Variants in LRP1B observed in about 807,000 individuals in gnomAD.
LRP1B encodes the protein low-density lipoprotein receptor-related protein 1B.
Under a neutral mutation model 556.6 loss-of-function variants are expected in LRP1B, and 217 were observed. The ratio of observed to expected loss-of-function variants is 0.39; its 90% CI spans 0.35 to 0.44. LRP1B has a LOEUF of 0.44. Among genes scored for constraint, LRP1B ranks in the 20% least tolerant of loss-of-function variants. The pLI, the probability that LRP1B is intolerant of heterozygous loss-of-function variation, is 1.00. For missense variants in LRP1B, 5,053 were observed against 5,620.8 expected (o/e 0.90, Z 3.23); for synonymous variants, 2,047 against 1,865.8 (o/e 1.10, Z -2.50).
chr2:140,877,153 T>G (rs1693334718), intron 25 of LRP1B, among the ~76,000 whole-genome samples: 1 of 152,284 alleles, frequency 6.6e-6, no homozygotes, highest in South Asian at 2.1e-4. Context: ...GATAGACAAC[T>G]TAAACTTCAG....
chr2:140,712,651 T>C (rs1381476285), intron 37 of LRP1B, among the ~76,000 whole-genome samples: 3 of 152,088 alleles, frequency 2.0e-5, no homozygotes, highest in South Asian at 4.1e-4. Flanking sequence ...TTCTCCTCTT[T>C]CCCTTCATCA....
intron 2 of LRP1B, among the ~76,000 whole-genome samples, chr2:141,659,825 A>T (rs1273519064): frequency 6.6e-6 from 1 of 152,192 alleles, no homozygotes; most frequent in Admixed American, 6.5e-5. Context: ...ACACTATAAC[A>T]AAAATCATAA....
chr2:142,115,456 CCT>C (rs1491214138), intron 1 of LRP1B, among the ~76,000 whole-genome samples: 1 of 73,420 alleles, frequency 1.4e-5, no homozygotes, highest in Non-Finnish European at 2.8e-5. Flanking sequence ...TGAGTCTATA[CCT>C]ATATATATAT....
intron 2 of LRP1B, among the ~76,000 whole-genome samples, chr2:141,543,742 A>AG (rs1004522736): frequency 3.3e-5 from 5 of 151,708 alleles, no homozygotes; most frequent in African/African-American, 4.8e-5. Flanking sequence ...AAAAAGAAAA[A>AG]AAAAACAAAT....
chr2:141,016,728 T>C (rs1381739351), intron 12 of LRP1B, among the ~76,000 whole-genome samples: 1 of 152,116 alleles, frequency 6.6e-6, no homozygotes, highest in African/African-American at 2.4e-5. Context: ...TGTGTTGTTT[T>C]AGGGTCATGT....
At chr2:142,007,137 C>T (rs1387699980) in intron 1 of LRP1B, among the ~76,000 whole-genome samples, 1 of 152,034 alleles carries the variant, frequency 6.6e-6, no homozygotes, top group Non-Finnish European at 1.5e-5. Context: ...AGAAATCAAA[C>T]CCTAAATAAT....
At chr2:140,824,135 A>AT (rs935876841) in intron 31 of LRP1B, among the ~76,000 whole-genome samples, 14 of 151,722 alleles carry the variant, frequency 9.2e-5, no homozygotes, top group Admixed American at 4.6e-4. Context: ...AAAATAAAAA[A>AT]AAATAGAAAA....
At chr2:140,500,101 T>C (rs765084971) in intron 55 of LRP1B, among the ~76,000 whole-genome samples, 1 of 152,016 alleles carries the variant, frequency 6.6e-6, no homozygotes, top group Non-Finnish European at 1.5e-5. Context: ...TTGCTTTCTT[T>C]CTTTCTGCCT....
At chr2:140,391,486 C>T (rs1684016356) in intron 66 of LRP1B, among the ~76,000 whole-genome samples, 3 of 136,472 alleles carry the variant, frequency 2.2e-5, no homozygotes, top group Admixed American at 2.2e-4. Flanking sequence ...AGAAGAAACT[C>T]ATCAAACGGA....
chr2:142,001,458 A>G (rs1000154304), intron 1 of LRP1B, among the ~76,000 whole-genome samples: 23 of 152,320 alleles, frequency 1.5e-4, no homozygotes, highest in African/African-American at 5.5e-4. Context: ...TTTGCTTCAT[A>G]GTTCCTGCTT....
chr2:140,812,010 TA>T (rs1450178172), intron 32 of LRP1B, among the ~76,000 whole-genome samples: 4 of 152,006 alleles, frequency 2.6e-5, no homozygotes, highest in Admixed American at 1.3e-4. Context: ...AAAAACTATT[TA>T]AAAAAACCTG....
chr2:140,791,475 G>A (rs1427877643), intron 32 of LRP1B, among the ~76,000 whole-genome samples: 1 of 151,872 alleles, frequency 6.6e-6, no homozygotes, highest in East Asian at 1.9e-4. Flanking sequence ...AGAGAAGATT[G>A]GACTTTCCGG....
intron 27 of LRP1B, among the ~76,000 whole-genome samples, chr2:140,862,137 T>C (rs886927256): frequency 1.3e-5 from 2 of 152,216 alleles, no homozygotes; most frequent in African/African-American, 4.8e-5. Flanking sequence ...TATTCAACTG[T>C]ATCCCAGAAG....
At chr2:140,895,030 G>A (rs1408702980) in intron 23 of LRP1B, among the ~76,000 whole-genome samples, 9 of 151,966 alleles carry the variant, frequency 5.9e-5, no homozygotes, top group Non-Finnish European at 1.3e-4. Context: ...AGAGTGGAAA[G>A]GAGTTGTCCA....
intron 23 of LRP1B, among the ~76,000 whole-genome samples, chr2:140,891,301 A>C (rs983529458): frequency 6.6e-6 from 1 of 152,148 alleles, no homozygotes; most frequent in Non-Finnish European, 1.5e-5. Context: ...AATGATTTTT[A>C]TCAGACAGAC....
intron 47 of LRP1B, among the ~76,000 whole-genome samples, chr2:140,527,463 G>A (rs1158528955): frequency 6.6e-6 from 1 of 151,904 alleles, no homozygotes; most frequent in Non-Finnish European, 1.5e-5. Context: ...ACAAAAGGGT[G>A]TGTATGTCAT....
intron 2 of LRP1B, among the ~76,000 whole-genome samples, chr2:141,591,363 G>T (rs200791880): frequency 3.0e-4 from 42 of 139,030 alleles, no homozygotes; most frequent in South Asian, 1.3e-3. Context: ...TTGTTTGTTT[G>T]TTTTTTTTTT....
intron 2 of LRP1B, among the ~76,000 whole-genome samples, chr2:141,722,991 G>A (rs773027750): frequency 3.3e-5 from 5 of 152,144 alleles, no homozygotes; most frequent in Non-Finnish European, 7.4e-5. Flanking sequence ...TTGCCAGTAT[G>A]AATAGTACTG....
intron 83 of LRP1B, among the ~76,000 whole-genome samples, chr2:140,306,407 TC>T (rs200255024): frequency 0.043 from 6,570 of 152,188 alleles, 481 homozygotes; most frequent in African/African-American, 0.15. Context: ...CAGGAATTTA[TC>T]CATTTCTTCT....
Sources: allele counts gnomAD v4.1 joint callset (sites outside exome capture counted in the v4.1 genomes callset), GRCh38; gene constraint gnomAD v4.1.1; transcripts MANE v1.5; gene names NCBI Gene and HGNC (gene_info 2026-07-23, HGNC 2026-07-21).